ABCD3: variants seen among roughly 807,000 people sequenced by gnomAD.
ABCD3 encodes the protein ATP-binding cassette sub-family D member 3.
A neutral mutation model predicts 105.5 loss-of-function variants in ABCD3; 41 were observed. The observed-to-expected ratio is 0.39, with a 90% CI of 0.30 to 0.50. ABCD3 has a LOEUF of 0.50. Among genes scored for constraint, ABCD3 ranks in the 20% least tolerant of loss-of-function variants. ABCD3 has a pLI of 0.84. For synonymous variants in ABCD3, 258 were observed against 269.0 expected (o/e 0.96, Z 0.40); for missense variants, 622 against 806.3 (o/e 0.77, Z 2.77).
chr1:94,472,240 A>G (rs764777516), intron 4 of ABCD3: 21 of 978,960 alleles, frequency 2.1e-5, no homozygotes, highest in Admixed American at 1.2e-4. Flanking sequence ...TGCTACTCCA[A>G]TGGTAAACCA....
chr1:94,444,204 C>T (rs916751407), intron 1 of ABCD3, among the ~76,000 whole-genome samples: 17 of 151,662 alleles, frequency 1.1e-4, no homozygotes, highest in African/African-American at 1.7e-4. Context: ...TGGTGGTGTG[C>T]GCCTGTAGTC....
At chr1:94,393,499 C>T in the ABCD3 span, among the ~76,000 whole-genome samples, 8 of 151,706 alleles carry the variant, frequency 5.3e-5, no homozygotes, top group Admixed American at 3.9e-4. Context: ...ATTAGCCAGG[C>T]TTGGTGGTGC....
the ABCD3 span, chr1:94,406,490 C>T: frequency 2.4e-6 from 1 of 417,324 alleles, no homozygotes; most frequent in Non-Finnish European, 4.8e-6. Context: ...CAGGCTGGCG[C>T]TTCAGTTGAA....
At chr1:94,499,181 A>G (rs1649976607) in intron 19 of ABCD3, 147 bp downstream of exon 19, 1 of 815,482 alleles carries the variant, frequency 1.2e-6, no homozygotes, top group Non-Finnish European at 2.0e-6. Context: ...CTGAGGTAAG[A>G]TGTTAATCCC....
chr1:94,424,398 C>T (rs1008625439), intron 1 of ABCD3, among the ~76,000 whole-genome samples: 125 of 152,140 alleles, frequency 8.2e-4, no homozygotes, highest in African/African-American at 2.9e-3. Context: ...TTAGTGAGAC[C>T]TTCTATTGCC....
intron 1 of ABCD3, among the ~76,000 whole-genome samples, chr1:94,456,285 T>A: frequency 7.6e-6 from 1 of 131,392 alleles, no homozygotes. Flanking sequence ...TTTTTTTTTT[T>A]TTTTTTGGAG....
At chr1:94,404,685 C>A in the ABCD3 span, among the ~76,000 whole-genome samples, 1 of 151,858 alleles carries the variant, frequency 6.6e-6, no homozygotes, top group Non-Finnish European at 1.5e-5. Context: ...TCATTGTTAT[C>A]TGATTTTTCA....
intron 3 of ABCD3, among the ~76,000 whole-genome samples, chr1:94,466,623 T>C (rs1648151115): frequency 6.6e-6 from 1 of 152,208 alleles, no homozygotes; most frequent in African/African-American, 2.4e-5. Flanking sequence ...TTTTAAAAAT[T>C]GCTTAATGCT....
chr1:94,400,032 C>T, the ABCD3 span, among the ~76,000 whole-genome samples: 1 of 152,034 alleles, frequency 6.6e-6, no homozygotes, highest in African/African-American at 2.4e-5. Flanking sequence ...AGAGCAAGAC[C>T]CTGTCTCAAA....
chr1:94,454,988 TTGA>T (rs774387684), intron 1 of ABCD3, among the ~76,000 whole-genome samples: 1 of 152,184 alleles, frequency 6.6e-6, no homozygotes, highest in Non-Finnish European at 1.5e-5. Flanking sequence ...TGTTTTCATT[TTGA>T]TGATAAATTA....
chr1:94,408,972 C>G, the ABCD3 span, among the ~76,000 whole-genome samples: 3 of 152,140 alleles, frequency 2.0e-5, no homozygotes, highest in Non-Finnish European at 4.4e-5. Context: ...TATGCGCTTT[C>G]TTTTCCTTAT....
intron 1 of ABCD3, among the ~76,000 whole-genome samples, chr1:94,422,928 A>G (rs894771642): frequency 1.3e-5 from 2 of 152,160 alleles, no homozygotes; most frequent in African/African-American, 2.4e-5. Flanking sequence ...CTTCTTATCA[A>G]TGCTTGTCAA....
At chr1:94,485,798 A>C (rs1396345963) in intron 10 of ABCD3, among the ~76,000 whole-genome samples, 1 of 152,202 alleles carries the variant, frequency 6.6e-6, no homozygotes, top group Non-Finnish European at 1.5e-5. Context: ...TTATGTACAC[A>C]TATTTTTTTC....
At chr1:94,451,264 G>A (rs1647235143) in intron 1 of ABCD3, among the ~76,000 whole-genome samples, 2 of 152,244 alleles carry the variant, frequency 1.3e-5, no homozygotes, top group African/African-American at 4.8e-5. Flanking sequence ...TTTGTTTTCT[G>A]TAATTTCTGC....
At chr1:94,473,956 T>C in intron 5 of ABCD3, 121 bp downstream of exon 5, 1 of 730,620 alleles carries the variant, frequency 1.4e-6, no homozygotes, top group Non-Finnish European at 2.3e-6. Flanking sequence ...ATTTTCAGTT[T>C]AGTTTTGTAA....
intron 16 of ABCD3, among the ~76,000 whole-genome samples, chr1:94,492,180 T>C (rs1485126945): frequency 2.0e-5 from 3 of 152,150 alleles, no homozygotes; most frequent in African/African-American, 7.2e-5. Context: ...ACAGCACAGC[T>C]CTAGAATTCC....
chr1:94,516,093 A>G (rs757796148), intron 22 of ABCD3, among the ~76,000 whole-genome samples: 2 of 151,980 alleles, frequency 1.3e-5, no homozygotes, highest in African/African-American at 4.8e-5. Flanking sequence ...TTTACCTTCA[A>G]GAACTTTAGG....
the ABCD3 span, among the ~76,000 whole-genome samples, chr1:94,399,705 T>C: frequency 6.6e-6 from 1 of 152,110 alleles, no homozygotes; most frequent in Admixed American, 6.6e-5. Flanking sequence ...ATGGATAACT[T>C]GTAACAATCA....
chr1:94,459,568 A>T (rs974377463), intron 2 of ABCD3, among the ~76,000 whole-genome samples: 2 of 152,166 alleles, frequency 1.3e-5, no homozygotes, highest in African/African-American at 4.8e-5. Flanking sequence ...CTTCAGGTGT[A>T]TTTTTGACAA....
Sources: allele counts gnomAD v4.1 joint callset (sites outside exome capture counted in the v4.1 genomes callset), GRCh38; gene constraint gnomAD v4.1.1; transcripts MANE v1.5; gene names NCBI Gene and HGNC (gene_info 2026-07-23, HGNC 2026-07-21).